PXDN: variants seen among roughly 807,000 people sequenced by gnomAD.
PXDN encodes the protein peroxidasin.
Under a neutral mutation model 140.3 loss-of-function variants are expected in PXDN, and 77 were observed. The observed-to-expected ratio is 0.55, with a 90% CI of 0.46 to 0.66. The LOEUF is 0.66. Among genes scored for constraint, PXDN ranks in the 30% least tolerant of loss-of-function variants. The probability of loss-of-function intolerance (pLI) is 0.00; values close to 1 mark genes in which losing one functional copy is unlikely to be tolerated. For missense variants in PXDN, 1,838 were observed against 2,039.5 expected (o/e 0.90, Z 1.90); for synonymous variants, 911 against 857.4 (o/e 1.06, Z -1.09).
intron 8 of PXDN, chr2:1,676,640 C>T: frequency 2.1e-6 from 1 of 474,048 alleles, no homozygotes; most frequent in Non-Finnish European, 3.8e-6. Flanking sequence ...CCAGCATGCT[C>T]TCCCTCCCTC....
intron 8 of PXDN, among the ~76,000 whole-genome samples, chr2:1,674,451 C>T (rs1683649101): frequency 6.6e-6 from 1 of 152,224 alleles, no homozygotes; most frequent in South Asian, 2.1e-4. Context: ...TGGCACTGCA[C>T]CACGAAGAGG....
At chr2:1,665,117 G>A (rs1313109993) in intron 10 of PXDN, 43 bp from the exon 11 acceptor site, 1 of 1,448,416 alleles carries the variant, frequency 6.9e-7, no homozygotes, top group Non-Finnish European at 9.5e-7. Flanking sequence ...GTAAAAAACA[G>A]CCTGGGGTAA....
Position 1,722,419 on chromosome 2 carries a change from C to G in PXDN, c.200+21837G>C, listed in dbSNP as rs928550931. Among the ~76,000 whole-genome samples the G allele has an allele frequency of 9.2e-5, 14 of 152,314 alleles. No individual in the cohort carries two copies. In the South Asian group the frequency reaches 2.1e-3, roughly 23 times the overall value. On this transcript the variant is annotated intron_variant, in intron 1 of 22. Transcript: ENST00000252804. Reference sequence around the variant, plus strand: ...GAGAATCTCAACGCAGAATCCATTGCGTGCAATGCATGGGTTATCCCAGCA... The same window carrying G: ...GAGAATCTCAACGCAGAATCCATTGGGTGCAATGCATGGGTTATCCCAGCA...
Position 1,634,029 on chromosome 2 carries a change from A to G in PXDN, c.*175T>C, listed in dbSNP as rs1029056323. Reference sequence around the variant, plus strand: ...GCACCTGCTGTGCCTCCTTCTCCGCAGATGCTCTGGTTGGAAGCCTCCTGC... The same window carrying G: ...GCACCTGCTGTGCCTCCTTCTCCGCGGATGCTCTGGTTGGAAGCCTCCTGC... On this transcript the variant is annotated 3_prime_UTR_variant, in exon 23 of 23. Transcript: ENST00000252804. The G allele has an allele frequency of 1.1e-6, 1 of 936,094 alleles. No individual in the cohort carries two copies. Among genetic ancestry groups the G allele is most frequent in the Non-Finnish European group, 1.5e-6 (1 of 665,384 alleles). 58.0% of individuals were successfully genotyped at this position (936,094 alleles called of 1,614,324 possible).
intron 1 of PXDN, among the ~76,000 whole-genome samples, chr2:1,710,062 G>A (rs1335585308): frequency 6.6e-6 from 1 of 152,160 alleles, no homozygotes; most frequent in East Asian, 1.9e-4. Flanking sequence ...ACGCAGCTGC[G>A]GAGAGGAGAA....
chr2:1,677,122 T>C, intron 7 of PXDN, 78 bp from the exon 8 acceptor site: 1 of 1,312,538 alleles, frequency 7.6e-7, no homozygotes, highest in Non-Finnish European at 1.0e-6. Flanking sequence ...CGCTGAGTTC[T>C]CTGTGTCCAA....
At chr2:1,733,991 T>G (rs1297916600) in intron 1 of PXDN, among the ~76,000 whole-genome samples, 1 of 152,154 alleles carries the variant, frequency 6.6e-6, no homozygotes, top group African/African-American at 2.4e-5. Flanking sequence ...TAAAAACATG[T>G]CTCTGTTTAT....
intron 14 of PXDN, among the ~76,000 whole-genome samples, chr2:1,655,153 C>T (rs1296486612): frequency 6.6e-6 from 1 of 151,598 alleles, no homozygotes; most frequent in Admixed American, 6.6e-5. Context: ...CACAGATCCA[C>T]ACCACACATG....
At chr2:1,667,064 G>A (rs796806706) in intron 9 of PXDN, among the ~76,000 whole-genome samples, 18 of 152,242 alleles carry the variant, frequency 1.2e-4, no homozygotes, top group African/African-American at 1.7e-4. Flanking sequence ...CTGCAGGGAC[G>A]TGGCCGTGCA....
At chr2:1,662,036 C>G (rs1485215758) in intron 13 of PXDN, 36 bp downstream of exon 13, 3 of 1,533,518 alleles carry the variant, frequency 2.0e-6, no homozygotes, top group African/African-American at 2.7e-5. Flanking sequence ...TACCTTGTAT[C>G]TGGGTGGTGG....
In PXDN at chr2:1,634,054, C is replaced by T; in HGVS notation, c.*150G>A. On this transcript the variant is annotated 3_prime_UTR_variant, in exon 23 of 23. Coordinates refer to ENST00000252804, the MANE Select transcript of PXDN (RefSeq NM_012293.3). ...AGATGCTCTGGTTGGAAGCCTCCTG[C>T]ACTGCCTTCTGTAACAGCACCAGCT... 2.4e-6 allele frequency: 3 copies of T among 1,263,678 alleles called. No individual in the cohort carries two copies. The highest frequency in any genetic ancestry group is 3.2e-6 in the Non-Finnish European group (3 of 928,504). 78.3% of individuals were successfully genotyped at this position (1,263,678 alleles called of 1,614,324 possible). A position where few individuals can be genotyped will look rare whatever the true frequency, so the allele number is the denominator to read the frequency against.
intron 21 of PXDN, among the ~76,000 whole-genome samples, chr2:1,638,415 C>T (rs1235082048): frequency 6.6e-6 from 1 of 152,172 alleles, no homozygotes; most frequent in East Asian, 1.9e-4. Flanking sequence ...ACTTTCCTCA[C>T]ACCCGGAGAG....
rs1319339385 is a variant in PXDN at position 1,648,522 on chromosome 2, C to T, written c.3258G>A (p.Glu1086=). 1 of 1,613,160 alleles carries T rather than the reference C, an allele frequency of 6.2e-7. No homozygotes were observed. Among genetic ancestry groups the T allele is most frequent in the Non-Finnish European group, 8.5e-7 (1 of 1,179,890 alleles). Residue 1086 remains glutamate (E), a synonymous_variant, in exon 17 of 23, where the codon GAG becomes GAA. Coordinates refer to ENST00000252804, the MANE Select transcript of PXDN (RefSeq NM_012293.3). The surrounding 1 kb of genome is among the most constrained non-coding windows in gnomAD (Gnocchi z 8.9). ...GATCTTGTGCAATGGGCTGGAAGTT[C>T]TCGTCCAGCCGGTAAAGCAGTGGGT... ...LVNPLLYRLD[E]NFQPIAQDHL... is the part of the protein sequence containing the mutation.
At chr2:1,652,930 C>CTG (rs34590232) in intron 16 of PXDN, 19,882 of 149,102 alleles carry the variant, frequency 0.13, 1,354 homozygotes, top group Admixed American at 0.17. Flanking sequence ...CCTCCGTGCT[C>CTG]TGTGTGTGTG....
In PXDN at chr2:1,648,940, G is replaced by A. The variant is rs781460975; in HGVS notation, c.2840C>T (p.Pro947Leu). 9.4e-6 allele frequency: 15 copies of A among 1,603,544 alleles called. No homozygotes were observed. The highest frequency in any genetic ancestry group is 4.0e-5 in the African/African-American group (3 of 74,438). ...RQGIVQRSGK[P>L]LLPFATGPPT... ...CGGCCCGGTGGCGAAGGGGAGCAGCGGCTTCCCGGACCGCTGCACGATGCC... is the reference window on the plus strand; with the variant it reads ...CGGCCCGGTGGCGAAGGGGAGCAGCAGCTTCCCGGACCGCTGCACGATGCC... Residue 947 changes from proline (P) to leucine (L), a missense_variant, in exon 17 of 23, where the codon CCG becomes CTG. Transcript: ENST00000252804. This position sits in a 1 kb window ranked among gnomAD's most constrained non-coding sequence, Gnocchi z 8.9.
At chr2:1,652,925 G>A (rs1444564552) in intron 16 of PXDN, among the ~76,000 whole-genome samples, 2 of 114,402 alleles carry the variant, frequency 1.7e-5, no homozygotes, top group Non-Finnish European at 3.5e-5. Flanking sequence ...ATTCTCCTCC[G>A]TGCTCTGTGT....
At chr2:1,659,162 C>T (rs1200691975) in intron 14 of PXDN, among the ~76,000 whole-genome samples, 1 of 152,228 alleles carries the variant, frequency 6.6e-6, no homozygotes, top group Non-Finnish European at 1.5e-5. Context: ...AACATGTGCT[C>T]ACACCGGACT....
intron 8 of PXDN, among the ~76,000 whole-genome samples, chr2:1,675,828 C>G (rs1050777809): frequency 6.8e-6 from 1 of 147,270 alleles, no homozygotes; most frequent in Non-Finnish European, 1.5e-5. Flanking sequence ...AGTTTGAGCC[C>G]GAGTATCACA....
At chr2:1,645,739 C>A (rs998893667) in intron 17 of PXDN, among the ~76,000 whole-genome samples, 2 of 152,144 alleles carry the variant, frequency 1.3e-5, no homozygotes, top group South Asian at 4.1e-4. Context: ...TCGGGAGGAC[C>A]CTGGCAGCAT....
Sources: gnomAD v4.1 joint callset for allele counts (sites outside exome capture counted in the v4.1 genomes callset) on GRCh38, gnomAD v4.1.1 for gene constraint, Gnocchi (gnomAD v3.1) non-coding constraint, MANE v1.5 for transcripts, NCBI Gene and HGNC (gene_info 2026-07-23, HGNC 2026-07-21) for gene names.